The following AGPAT4 variants were observed in gnomAD, a reference collection of about 807,000 sequenced individuals.
The protein encoded by AGPAT4 is 1-acylglycerol-3-phosphate O-acyltransferase 4, also known as 1-acyl-sn-glycerol-3-phosphate acyltransferase delta.
A neutral mutation model predicts 48.0 loss-of-function variants in AGPAT4; 15 were observed. That is an observed-to-expected ratio of 0.31 (90% CI 0.21 to 0.48). The LOEUF (loss-of-function observed/expected upper bound fraction) is 0.48, where lower values mean the gene tolerates loss of function less well. AGPAT4 is among the 20% of genes least tolerant of loss of function. The probability of loss-of-function intolerance (pLI) is 0.99; values close to 1 mark genes in which losing one functional copy is unlikely to be tolerated. For missense variants in AGPAT4, 314 were observed against 482.5 expected (o/e 0.65, Z 3.27); for synonymous variants, 178 against 198.7 (o/e 0.90, Z 0.88).
At position 161,219,733 on chromosome 6, in the gene AGPAT4, G is replaced by C. The variant is rs1051938890; in HGVS notation, c.178+12303C>G. On this transcript the variant is annotated intron_variant, in intron 2 of 8. Coordinates refer to ENST00000320285, the MANE Select transcript of AGPAT4 (RefSeq NM_020133.3). This position sits in a 1 kb window ranked among gnomAD's most constrained non-coding sequence, Gnocchi z 4.9. Reference sequence around the variant, plus strand: ...ACTTGCTGATTCTTTAGGGCCACCTGTTTGAAATTTAGAGTGACTAAATTC... The same window carrying C: ...ACTTGCTGATTCTTTAGGGCCACCTCTTTGAAATTTAGAGTGACTAAATTC... 7.9e-5 allele frequency among the ~76,000 whole-genome samples: 12 copies of C among 152,090 alleles called. No homozygotes were observed. Among genetic ancestry groups the C allele is most frequent in the African/African-American group, 2.9e-4 (12 of 41,384 alleles).
At chr6:161,237,948 C>G (rs911756734) in intron 1 of AGPAT4, among the ~76,000 whole-genome samples, 1 of 151,796 alleles carries the variant, frequency 6.6e-6, no homozygotes, top group Non-Finnish European at 1.5e-5. Flanking sequence ...TTGGCATGCT[C>G]TATTAAAGTC....
intron 2 of AGPAT4, among the ~76,000 whole-genome samples, chr6:161,168,685 T>C (rs1562321771): frequency 6.6e-6 from 1 of 152,156 alleles, no homozygotes; most frequent in Non-Finnish European, 1.5e-5. Context: ...GATTAAACAT[T>C]AGATCAGATC....
In AGPAT4 at chr6:161,202,828, T is replaced by C. The variant is rs115115972; in HGVS notation, c.178+29208A>G. Among the ~76,000 whole-genome samples the C allele has an allele frequency of 0.01, 1,564 of 152,264 alleles. 29 individuals carry two copies. Among genetic ancestry groups the C allele is most frequent in the African/African-American group, 0.036 (1,488 of 41,542 alleles). ...GACACTGACTTTTGGAGCCCTAAAC[T>C]ACCAGCTAAGAAATGCTACTGCCTT... On this transcript the variant is annotated intron_variant, in intron 2 of 8. Transcript: ENST00000320285. This position sits in a 1 kb window ranked among gnomAD's most constrained non-coding sequence, Gnocchi z 5.4.
In AGPAT4 at chr6:161,138,609, T is replaced by G. The variant is rs543451616; in HGVS notation, c.1042+813A>C. Among the ~76,000 whole-genome samples, 2 of 152,180 alleles carry G rather than the reference T, an allele frequency of 1.3e-5. No homozygotes were observed. The highest frequency in any genetic ancestry group is 4.8e-5 in the African/African-American group (2 of 41,438). Reference sequence around the variant, plus strand: ...TGTCTATTGCTTGGGCCTTTTATAGTGAGCATACTGCATCTTTGTGTTTGA... The same window carrying G: ...TGTCTATTGCTTGGGCCTTTTATAGGGAGCATACTGCATCTTTGTGTTTGA... On this transcript the variant is annotated intron_variant, in intron 8 of 8. Transcript: ENST00000320285. The surrounding 1 kb of genome is among the most constrained non-coding windows in gnomAD (Gnocchi z 4.8).
chr6:161,168,563 C>T (rs12208953), intron 2 of AGPAT4, among the ~76,000 whole-genome samples: 12,713 of 152,060 alleles, frequency 0.084, 662 homozygotes, highest in Non-Finnish European at 0.12. Flanking sequence ...TTTGGTTCAC[C>T]CCGACCTTAG....
chr6:161,141,589 TA>T lies in AGPAT4; in HGVS notation c.844-1970del, dbSNP rs557019114. ...GATATTTTTGTGCCTTGTTTTTTTTTAAAAAAAAAACAGCTTTCTTAAGATG... is the reference window on the plus strand; with the variant it reads ...GATATTTTTGTGCCTTGTTTTTTTTTAAAAAAAAACAGCTTTCTTAAGATG... On this transcript the variant is annotated intron_variant, in intron 7 of 8. Transcript: ENST00000320285. The surrounding 1 kb of genome is among the most constrained non-coding windows in gnomAD (Gnocchi z 6.7). Among the ~76,000 whole-genome samples, 5 of 150,268 alleles carry T rather than the reference TA, an allele frequency of 3.3e-5. No homozygotes were observed. The highest frequency in any genetic ancestry group is 3.4e-3 in the Middle Eastern group (1 of 290).
In AGPAT4 at chr6:161,229,722, G is replaced by A. The variant is rs1448162585; in HGVS notation, c.178+2314C>T. 3.9e-5 allele frequency among the ~76,000 whole-genome samples: 6 copies of A among 152,092 alleles called. No homozygotes were observed. The highest frequency in any genetic ancestry group is 2.1e-4 in the South Asian group (1 of 4,822). Reference sequence around the variant, plus strand: ...CTTTCTACTGTATTCTCTTTTTCCAGTAGCCAGGACTCCTCCTCTAGAGGG... The same window carrying A: ...CTTTCTACTGTATTCTCTTTTTCCAATAGCCAGGACTCCTCCTCTAGAGGG... On this transcript the variant is annotated intron_variant, in intron 2 of 8. Transcript: ENST00000320285. This position sits in a 1 kb window ranked among gnomAD's most constrained non-coding sequence, Gnocchi z 6.0.
rs1159843379 is a variant in AGPAT4 at position 161,235,341 on chromosome 6, C to G, written c.-89-3039G>C. Among the ~76,000 whole-genome samples the G allele has an allele frequency of 6.6e-6, 1 of 152,144 alleles. No homozygotes were observed. The highest frequency in any genetic ancestry group is 1.5e-5 in the Non-Finnish European group (1 of 68,036). On this transcript the variant is annotated intron_variant, in intron 1 of 8. Transcript: ENST00000320285. This position sits in a 1 kb window ranked among gnomAD's most constrained non-coding sequence, Gnocchi z 6.2. ...AACGCCAAAATAAGAATAGTCAAGG[C>G]ATCCTCTGAAGAAGAAGGTGAGAAG...
rs567822126 is a variant in AGPAT4, at chr6:161,202,622, A to G, written c.178+29414T>C. The stretch of plus-strand genomic sequence containing the variant: ...ACTGTATTTTCCAAAGATGGCTACA[A>G]TAATATTGTATATCCCGCAGGCTCT... On this transcript the variant is annotated intron_variant, in intron 2 of 8. Coordinates refer to ENST00000320285, the MANE Select transcript of AGPAT4 (RefSeq NM_020133.3). The surrounding 1 kb of genome is among the most constrained non-coding windows in gnomAD (Gnocchi z 5.4). Among the ~76,000 whole-genome samples, 1 of 152,296 alleles carries G rather than the reference A, an allele frequency of 6.6e-6. No homozygotes were observed. Among genetic ancestry groups the G allele is most frequent in the East Asian group, 1.9e-4 (1 of 5,182 alleles).
rs772006901 is a variant in AGPAT4, at chr6:161,180,490, T to C, written c.179-14073A>G. Among the ~76,000 whole-genome samples the C allele has an allele frequency of 5.9e-5, 9 of 152,238 alleles. No homozygotes were observed. The highest frequency in any genetic ancestry group is 1.2e-4 in the Non-Finnish European group (8 of 68,040). On this transcript the variant is annotated intron_variant, in intron 2 of 8. Coordinates refer to ENST00000320285, the MANE Select transcript of AGPAT4 (RefSeq NM_020133.3). This position sits in a 1 kb window ranked among gnomAD's most constrained non-coding sequence, Gnocchi z 6.4. The stretch of plus-strand genomic sequence containing the variant: ...ACGTGGGGAAATGGCCTTATGATCA[T>C]TAGCTCTAACCAACTTTAACAATTA...
In AGPAT4 at chr6:161,139,337, T is replaced by G; in HGVS notation, c.1042+85A>C. On this transcript the variant is annotated intron_variant, in intron 8 of 8. Transcript: ENST00000320285. The surrounding 1 kb of genome is among the most constrained non-coding windows in gnomAD (Gnocchi z 9.1). ...TCCTCATCCACGGCACAACTGCCTATACAGATGGCCTTCGTCCCAGCCCTG... is the reference window on the plus strand; with the variant it reads ...TCCTCATCCACGGCACAACTGCCTAGACAGATGGCCTTCGTCCCAGCCCTG... 1 of 1,462,372 alleles carries G rather than the reference T, an allele frequency of 6.8e-7. No homozygotes were observed. Among genetic ancestry groups the G allele is most frequent in the Middle Eastern group, 1.9e-4 (1 of 5,334 alleles). The allele number at this position is 1,462,372 out of a possible 1,614,324, so 90.6% of individuals were successfully genotyped here. A position where few individuals can be genotyped will look rare whatever the true frequency, so the allele number is the denominator to read the frequency against.
intron 3 of AGPAT4, among the ~76,000 whole-genome samples, chr6:161,162,576 T>C (rs917087814): frequency 6.6e-6 from 1 of 152,150 alleles, no homozygotes; most frequent in African/African-American, 2.4e-5. Context: ...GATCCCCCGC[T>C]CAGCTGCACC....
At chr6:161,170,208 C>T (rs977593035) in intron 2 of AGPAT4, among the ~76,000 whole-genome samples, 1 of 152,162 alleles carries the variant, frequency 6.6e-6, no homozygotes, top group Non-Finnish European at 1.5e-5. Context: ...CTGTGGACTG[C>T]AAGCTCCAGC....
In AGPAT4 at chr6:161,262,266, A is replaced by G. The variant is rs1178768056; in HGVS notation, c.-90+11672T>C. On this transcript the variant is annotated intron_variant, in intron 1 of 8. Transcript: ENST00000320285. The surrounding 1 kb of genome is among the most constrained non-coding windows in gnomAD (Gnocchi z 4.9). ...GTGGGGCCCAGGAAGTCCTTTTTAA[A>G]ATGCTTCCTAGGTGATCCTCATGTG... Among the ~76,000 whole-genome samples, 1 of 152,052 alleles carries G rather than the reference A, an allele frequency of 6.6e-6. No individual in the cohort carries two copies. Among genetic ancestry groups the G allele is most frequent in the African/African-American group, 2.4e-5 (1 of 41,412 alleles).
rs894926853 is a variant in AGPAT4, at chr6:161,220,551, A to G, written c.178+11485T>C. On this transcript the variant is annotated intron_variant, in intron 2 of 8. Transcript: ENST00000320285. This position sits in a 1 kb window ranked among gnomAD's most constrained non-coding sequence, Gnocchi z 6.0. ...CTCAAGCAGAGCAAGTAGAGGAACC[A>G]AAGACTTGTTGCCCTCTTTTTGGCC... Among the ~76,000 whole-genome samples the G allele has an allele frequency of 2.0e-4, 31 of 152,204 alleles. No individual in the cohort carries two copies. The highest frequency in any genetic ancestry group is 2.0e-3 in the Admixed American group (31 of 15,286).
Position 161,195,488 on chromosome 6 carries a change from G to C in AGPAT4, c.179-29071C>G, listed in dbSNP as rs1181784818. Among the ~76,000 whole-genome samples, 1 of 143,262 alleles carries C rather than the reference G, an allele frequency of 7.0e-6. No homozygotes were observed. The highest frequency in any genetic ancestry group is 1.9e-4 in the East Asian group (1 of 5,196). 94.0% of individuals were successfully genotyped at this position (143,262 alleles called of 152,430 possible). The stretch of plus-strand genomic sequence containing the variant: ...TCATGTTCATCAGAATCAGAAGTTT[G>C]TACAGTAGCCAGAGATCTTTAAAAG... On this transcript the variant is annotated intron_variant, in intron 2 of 8. Coordinates refer to ENST00000320285, the MANE Select transcript of AGPAT4 (RefSeq NM_020133.3). This position sits in a 1 kb window ranked among gnomAD's most constrained non-coding sequence, Gnocchi z 5.0.
rs1783261417 is a variant in AGPAT4, at chr6:161,266,239, AT to A, written c.-90+7698del. Among the ~76,000 whole-genome samples the A allele has an allele frequency of 6.6e-6, 1 of 152,138 alleles. No individual in the cohort carries two copies. The highest frequency in any genetic ancestry group is 2.4e-5 in the African/African-American group (1 of 41,432). On this transcript the variant is annotated intron_variant, in intron 1 of 8. Coordinates refer to ENST00000320285, the MANE Select transcript of AGPAT4 (RefSeq NM_020133.3). This position sits in a 1 kb window ranked among gnomAD's most constrained non-coding sequence, Gnocchi z 6.2. ...ATGGGCCCAAAATCTCAACATCGAG[AT>A]TGAGAAACACCTCGCCCTCAAGGAA...
Position 161,251,088 on chromosome 6 carries a change from T to C in AGPAT4, c.-89-18786A>G, listed in dbSNP as rs1782793149. On this transcript the variant is annotated intron_variant, in intron 1 of 8. Coordinates refer to ENST00000320285, the MANE Select transcript of AGPAT4 (RefSeq NM_020133.3). The surrounding 1 kb of genome is among the most constrained non-coding windows in gnomAD (Gnocchi z 4.6). ...AGAACTGTAATTTCTTTCATAATGT[T>C]TAAACTTAGGGCTTCCTTCTACGCT... Among the ~76,000 whole-genome samples, 1 of 152,222 alleles carries C rather than the reference T, an allele frequency of 6.6e-6. No individual in the cohort carries two copies. Among genetic ancestry groups the C allele is most frequent in the Non-Finnish European group, 1.5e-5 (1 of 68,034 alleles).
chr6:161,185,189 A>G (rs902326806), intron 2 of AGPAT4, among the ~76,000 whole-genome samples: 5 of 151,056 alleles, frequency 3.3e-5, no homozygotes, highest in Non-Finnish European at 7.4e-5. Flanking sequence ...AAACAATTAG[A>G]GAAATCTGAA....
Sources: gnomAD v4.1 joint callset for allele counts (sites outside exome capture counted in the v4.1 genomes callset) on GRCh38, gnomAD v4.1.1 for gene constraint, Gnocchi (gnomAD v3.1) non-coding constraint, MANE v1.5 for transcripts, NCBI Gene and HGNC (gene_info 2026-07-23, HGNC 2026-07-21) for gene names.